Variants in OSBPL8 observed in about 807,000 individuals in gnomAD.
OSBPL8 encodes oxysterol-binding protein-related protein 8.
Under a neutral mutation model 125.5 loss-of-function variants are expected in OSBPL8, and 59 were observed. The ratio of observed to expected loss-of-function variants is 0.47; its 90% confidence interval spans 0.38 to 0.58. The LOEUF (loss-of-function observed/expected upper bound fraction) is 0.58. OSBPL8 is among the 20% of genes least tolerant of loss of function. OSBPL8 has a pLI of 0.00. For missense variants in OSBPL8, 758 were observed against 1,047.8 expected, an observed-to-expected ratio of 0.72 and a Z score of 3.82; for synonymous variants, 330 against 338.9, an observed-to-expected ratio of 0.97 and a Z score of 0.29.
intron 4 of OSBPL8, among the ~76,000 whole-genome samples, chr12:76,449,337 T>C (rs1352929582): frequency 6.6e-6 from 1 of 152,232 alleles, no homozygotes; most frequent in Admixed American, 6.5e-5. Flanking sequence ...GAATCCATTA[T>C]ACAAAACTTA....
intron 20 of OSBPL8, 141 bp downstream of exon 20, chr12:76,369,496 T>C: frequency 7.4e-7 from 1 of 1,343,316 alleles, no homozygotes; most frequent in East Asian, 2.5e-5. Context: ...TTATAATGAA[T>C]GCAAAACCAA....
chr12:76,460,775 CCTT>C (rs1874626697), intron 2 of OSBPL8, among the ~76,000 whole-genome samples: 1 of 152,170 alleles, frequency 6.6e-6, no homozygotes, highest in African/African-American at 2.4e-5. Context: ...TCTCAGCTCT[CCTT>C]CATTTTAAAT....
At chr12:76,424,391 T>A (rs60074875) in intron 4 of OSBPL8, among the ~76,000 whole-genome samples, 1 of 152,216 alleles carries the variant, frequency 6.6e-6, no homozygotes, top group Non-Finnish European at 1.5e-5. Context: ...CTAATACCCA[T>A]AACTGCAACA....
intron 2 of OSBPL8, among the ~76,000 whole-genome samples, chr12:76,474,436 CAT>C (rs200626362): frequency 1.6e-4 from 24 of 151,496 alleles, no homozygotes; most frequent in African/African-American, 2.9e-4. Context: ...TACACACATA[CAT>C]ATATATATAT....
intron 1 of OSBPL8, among the ~76,000 whole-genome samples, chr12:76,545,132 T>C (rs555389355): frequency 1.3e-5 from 2 of 152,314 alleles, no homozygotes; most frequent in East Asian, 1.9e-4. Context: ...CTAGGTCGCA[T>C]TGTGACAAGG....
chr12:76,464,386 G>C (rs775658076), intron 2 of OSBPL8, among the ~76,000 whole-genome samples: 11 of 152,090 alleles, frequency 7.2e-5, no homozygotes, highest in Non-Finnish European at 1.2e-4. Context: ...TTTGTTATAA[G>C]TACATCGATA....
At chr12:76,418,293 C>A (rs1375701206) in intron 4 of OSBPL8, among the ~76,000 whole-genome samples, 2 of 152,114 alleles carry the variant, frequency 1.3e-5, no homozygotes, top group Non-Finnish European at 2.9e-5. Flanking sequence ...GTGTGAGCCA[C>A]TGTGCCAGGC....
intron 1 of OSBPL8, among the ~76,000 whole-genome samples, chr12:76,505,549 G>A (rs1176870109): frequency 6.6e-6 from 1 of 152,020 alleles, no homozygotes; most frequent in Non-Finnish European, 1.5e-5. Flanking sequence ...AGGAAGGAAG[G>A]AGTTGTCTGA....
chr12:76,493,801 GTCTC>G (rs777966003), intron 1 of OSBPL8, among the ~76,000 whole-genome samples: 63 of 152,156 alleles, frequency 4.1e-4, no homozygotes, highest in Non-Finnish European at 8.2e-4. Flanking sequence ...TAAGCTTTCT[GTCTC>G]TCTCTATTCT....
Position 76,412,308 on chromosome 12 carries a change from T to C in OSBPL8, c.218-1674A>G, listed in dbSNP as rs547834388. Among the ~76,000 whole-genome samples the C allele has an allele frequency of 2.0e-3, 298 of 152,292 alleles. 1 individual carries two copies. The highest frequency in any genetic ancestry group is 6.8e-3 in the African/African-American group (283 of 41,560). On this transcript the variant is annotated intron_variant, in intron 4 of 23. Transcript: ENST00000261183. ...GAGGTTGGAACAGTAGTTTACCTTTTGGAGGAAATACTGACTCGGAGGGGT... is the reference window on the plus strand; with the variant it reads ...GAGGTTGGAACAGTAGTTTACCTTTCGGAGGAAATACTGACTCGGAGGGGT...
In OSBPL8 at chr12:76,534,520, G is replaced by A. The variant is rs76986082; in HGVS notation, c.-68+24877C>T. ...TACCAATTGCTGTCTAATTCCTTCC[G>A]ACTAGCTGAAAGTACTTTGCTTCTT... On this transcript the variant is annotated intron_variant, in intron 1 of 23. Coordinates refer to ENST00000261183, the MANE Select transcript of OSBPL8 (RefSeq NM_020841.5). Among the ~76,000 whole-genome samples, 1,032 of 152,146 alleles carry A rather than the reference G, an allele frequency of 6.8e-3. 11 individuals are homozygous for A. The highest frequency in any genetic ancestry group is 0.021 in the African/African-American group (859 of 41,502).
intron 22 of OSBPL8, 84 bp downstream of exon 22, chr12:76,358,622 G>A: frequency 3.4e-6 from 4 of 1,188,708 alleles, no homozygotes; most frequent in Admixed American, 3.7e-5. Context: ...CATAACTTGA[G>A]TTAATATGAA....
rs144552717 is a variant in OSBPL8, at chr12:76,485,996, CT to C, written c.42+1513del. The C allele has an allele frequency of 8.8e-3, 3,642 of 412,008 alleles. 79 individuals are homozygous for C. The highest frequency in any genetic ancestry group is 0.052 in the African/African-American group (2,491 of 48,304). The allele number at this position is 412,008 out of a possible 1,614,324, so 25.5% of individuals were successfully genotyped here. ...TTCTACAGACAAGGCTTAATATTAA[CT>C]TTTCTTCTGAAATTATAGTAAAAAT... On this transcript the variant is annotated intron_variant, in intron 2 of 23. Coordinates refer to ENST00000261183, the MANE Select transcript of OSBPL8 (RefSeq NM_020841.5).
chr12:76,480,650 C>A (rs978812358), intron 2 of OSBPL8, among the ~76,000 whole-genome samples: 2 of 152,154 alleles, frequency 1.3e-5, no homozygotes, highest in African/African-American at 4.8e-5. Context: ...GAGATCCCTG[C>A]AACTTAAGAA....
intron 1 of OSBPL8, among the ~76,000 whole-genome samples, chr12:76,526,635 C>CTTTTTTTTTTTTTTT (rs573409160): frequency 1.6e-5 from 1 of 64,262 alleles, no homozygotes; most frequent in Non-Finnish European, 2.9e-5. Context: ...CAGTAAATCT[C>CTTTTTTTTTTTTTTT]TTTTTTTTTT....
At chr12:76,471,915 G>A (rs1253410071) in intron 2 of OSBPL8, among the ~76,000 whole-genome samples, 4 of 152,150 alleles carry the variant, frequency 2.6e-5, no homozygotes, top group Non-Finnish European at 5.9e-5. Flanking sequence ...TCAACACTCA[G>A]GTTAAGCATT....
Position 76,498,458 on chromosome 12 carries a change from T to A in OSBPL8, c.-67-10840A>T, listed in dbSNP as rs546691386. 2.0e-5 allele frequency among the ~76,000 whole-genome samples: 3 copies of A among 152,342 alleles called. No homozygotes were observed. In the East Asian group the frequency reaches 5.8e-4, roughly 29 times the overall value. The stretch of plus-strand genomic sequence containing the variant: ...GTGCAAGCACGCACCTCTCACACCA[T>A]GTTTGCATCTGTACTTTCACTGTTT... On this transcript the variant is annotated intron_variant, in intron 1 of 23. Coordinates refer to ENST00000261183, the MANE Select transcript of OSBPL8 (RefSeq NM_020841.5).
chr12:76,551,471 C>G (rs976222869), intron 1 of OSBPL8, among the ~76,000 whole-genome samples: 1 of 152,160 alleles, frequency 6.6e-6, no homozygotes, highest in Non-Finnish European at 1.5e-5. Context: ...AATTATCCAG[C>G]CCAAAATATC....
intron 1 of OSBPL8, among the ~76,000 whole-genome samples, chr12:76,553,433 G>A (rs992665589): frequency 1.3e-5 from 2 of 151,522 alleles, no homozygotes; most frequent in Non-Finnish European, 2.9e-5. Flanking sequence ...GGAGACCAAG[G>A]TGGGAGAATC....
Sources: gnomAD v4.1 joint callset for allele counts (sites outside exome capture counted in the v4.1 genomes callset) on GRCh38, gnomAD v4.1.1 for gene constraint, MANE v1.5 for transcripts, NCBI Gene and HGNC (gene_info 2026-07-23, HGNC 2026-07-21) for gene names.